MYLK: variants seen among roughly 807,000 people sequenced by gnomAD.
MYLK encodes the protein myosin light chain kinase, smooth muscle.
In MYLK, 106 loss-of-function variants were observed where a neutral mutation model predicts 203.4. The observed-to-expected ratio is 0.52, with a 90% CI of 0.45 to 0.61. MYLK has a LOEUF of 0.61. MYLK is among the 20% of genes least tolerant of loss of function. The pLI is 0.00. For missense variants in MYLK, 2,072 were observed against 2,442.3 expected, an observed-to-expected ratio of 0.85 and a Z score of 3.20; for synonymous variants, 867 against 959.5, an observed-to-expected ratio of 0.90 and a Z score of 1.78.
chr3:123,811,091 C>A (rs2065543522), intron 3 of MYLK, among the ~76,000 whole-genome samples: 1 of 152,142 alleles, frequency 6.6e-6, no homozygotes, highest in Non-Finnish European at 1.5e-5. Context: ...ATGGAAAAAA[C>A]CAATGATCAA....
chr3:123,812,962 G>C (rs1385641871), intron 3 of MYLK, among the ~76,000 whole-genome samples: 1 of 152,168 alleles, frequency 6.6e-6, no homozygotes, highest in Non-Finnish European at 1.5e-5. Flanking sequence ...GATGAACCTA[G>C]GCTTGGCTCC....
At chr3:123,744,204 C>T (rs528572257) in intron 5 of MYLK, among the ~76,000 whole-genome samples, 12 of 152,120 alleles carry the variant, frequency 7.9e-5, no homozygotes, top group African/African-American at 2.2e-4. Flanking sequence ...TGATATAGAG[C>T]GAAAGTGAAT....
chr3:123,798,922 G>A (rs998610960), intron 3 of MYLK, among the ~76,000 whole-genome samples: 9 of 152,222 alleles, frequency 5.9e-5, no homozygotes, highest in South Asian at 2.1e-4. Context: ...ACCAAACCTC[G>A]TTCCTCTCTA....
rs1559954054 is a variant in MYLK, at chr3:123,613,202, A to G, written c.*903T>C. The G allele has an allele frequency of 6.6e-6, 1 of 152,232 alleles. No individual in the cohort carries two copies. Among genetic ancestry groups the G allele is most frequent in the Non-Finnish European group, 1.5e-5 (1 of 68,044 alleles). 9.4% of individuals were successfully genotyped at this position (152,232 alleles called of 1,614,324 possible). ...AAATCTGTTTCATCGTGGCCAATAGATAATTAAGACTAACTTTTCAGCAAA... is the reference window on the plus strand; with the variant it reads ...AAATCTGTTTCATCGTGGCCAATAGGTAATTAAGACTAACTTTTCAGCAAA... On this transcript the variant is annotated 3_prime_UTR_variant, in exon 34 of 34. Coordinates refer to ENST00000360304, the MANE Select transcript of MYLK (RefSeq NM_053025.4).
intron 20 of MYLK, among the ~76,000 whole-genome samples, chr3:123,675,889 A>ATGCT (rs765183423): frequency 6.6e-6 from 1 of 152,314 alleles, no homozygotes; most frequent in Non-Finnish European, 1.5e-5. Flanking sequence ...CATCCAGTAC[A>ATGCT]TGCTTACAGA....
chr3:123,800,556 G>A (rs1014845659), intron 3 of MYLK, among the ~76,000 whole-genome samples: 7 of 152,196 alleles, frequency 4.6e-5, no homozygotes, highest in South Asian at 2.1e-4. Flanking sequence ...ACTTTGCCTC[G>A]TTGGTCCAGA....
At chr3:123,734,961 G>A (rs1266052252) in intron 9 of MYLK, 5 of 277,330 alleles carry the variant, frequency 1.8e-5, no homozygotes, top group African/African-American at 6.5e-5. Flanking sequence ...GGTAATGTGC[G>A]TTCGTGTGGT....
intron 4 of MYLK, among the ~76,000 whole-genome samples, chr3:123,784,786 T>C (rs2064445399): frequency 6.6e-6 from 1 of 152,204 alleles, no homozygotes; most frequent in South Asian, 2.1e-4. Context: ...GTGGCTTCTG[T>C]GGATTTTCTA....
intron 24 of MYLK, 116 bp downstream of exon 24, chr3:123,657,010 C>A (rs950318327): frequency 2.6e-5 from 31 of 1,201,094 alleles, no homozygotes; most frequent in South Asian, 2.1e-4. Context: ...AAGACCCTGC[C>A]AGTCATCATT....
intron 3 of MYLK, among the ~76,000 whole-genome samples, chr3:123,824,317 TGACCTCA>T (rs2066040651): frequency 6.6e-6 from 1 of 152,208 alleles, no homozygotes. Context: ...CTCGAACTCC[TGACCTCA>T]GGTGATCCAT....
intron 16 of MYLK, among the ~76,000 whole-genome samples, chr3:123,704,009 G>A (rs1397515708): frequency 1.3e-5 from 2 of 152,242 alleles, no homozygotes; most frequent in Non-Finnish European, 2.9e-5. Flanking sequence ...GGGGGAAGCA[G>A]GTAAGGGCTT....
chr3:123,878,322 GA>G (rs2033289217), intron 1 of MYLK, among the ~76,000 whole-genome samples: 2 of 152,198 alleles, frequency 1.3e-5, no homozygotes, highest in African/African-American at 4.8e-5. Flanking sequence ...TCACATAGCA[GA>G]AGACAGTGCT....
chr3:123,700,804 G>A lies in MYLK; in HGVS notation c.2664C>T (p.Arg888=), dbSNP rs1169268663. ...ETRQHTEEAI[R]QQEVEQLDFR... ...AGTCCAGCTGCTCCACCTCCTGCTG[G>A]CGGATCGCCTCCTCAGTGTGCTGCC... The change falls in exon 18 of 34, where the codon CGC becomes CGT. Residue 888 remains arginine (R), a synonymous_variant. Coordinates refer to ENST00000360304, the MANE Select transcript of MYLK (RefSeq NM_053025.4). The A allele has an allele frequency of 1.1e-5, 18 of 1,614,036 alleles. No homozygotes were observed. Among genetic ancestry groups the A allele is most frequent in the Non-Finnish European group, 1.5e-5 (18 of 1,180,050 alleles).
chr3:123,699,897 G>T, intron 18 of MYLK, 123 bp downstream of exon 18: 1 of 1,357,346 alleles, frequency 7.4e-7, no homozygotes, highest in Non-Finnish European at 1.0e-6. Context: ...CCTCCTACCT[G>T]CTAAACCAGG....
intron 3 of MYLK, among the ~76,000 whole-genome samples, chr3:123,825,144 CAA>C (rs11419461): frequency 1.6e-4 from 19 of 115,786 alleles, no homozygotes; most frequent in Non-Finnish European, 1.7e-4. Context: ...CACCCTGTCT[CAA>C]AAAAAAAAAA....
At chr3:123,737,940 T>C (rs772050088) in intron 7 of MYLK, among the ~76,000 whole-genome samples, 24 of 152,304 alleles carry the variant, frequency 1.6e-4, no homozygotes, top group Middle Eastern at 3.4e-3. Flanking sequence ...ATTCCAACTC[T>C]GAAAAACCTA....
At chr3:123,626,792 C>T (rs2107973806) in intron 31 of MYLK, 26 bp downstream of exon 31, 1 of 1,614,074 alleles carries the variant, frequency 6.2e-7, no homozygotes, top group Non-Finnish European at 8.5e-7. Flanking sequence ...GGGCAACATC[C>T]CAGTCCAAAG....
At chr3:123,672,650 TC>T (rs1402761516) in intron 20 of MYLK, among the ~76,000 whole-genome samples, 1 of 152,262 alleles carries the variant, frequency 6.6e-6, no homozygotes, top group Admixed American at 6.5e-5. Flanking sequence ...CCCTAACTAA[TC>T]TTTCAGTGTC....
chr3:123,624,979 A>G (rs1055826601), intron 31 of MYLK: 15 of 152,342 alleles, frequency 9.8e-5, no homozygotes, highest in African/African-American at 2.9e-4. Context: ...AGTTGCCTCC[A>G]ACACAGTGAT....
Sources: gnomAD v4.1 joint callset for allele counts (sites outside exome capture counted in the v4.1 genomes callset) on GRCh38, gnomAD v4.1.1 for gene constraint, MANE v1.5 for transcripts, NCBI Gene and HGNC (gene_info 2026-07-23, HGNC 2026-07-21) for gene names.